GPRC5B: variants seen among roughly 807,000 people sequenced by gnomAD.
GPRC5B encodes the protein G protein-coupled receptor class C group 5 member B.
A neutral mutation model predicts 30.1 loss-of-function variants in GPRC5B; 16 were observed. The observed-to-expected ratio is 0.53, with a 90% CI of 0.36 to 0.81. GPRC5B has a LOEUF of 0.81. GPRC5B is among the 30% of genes least tolerant of loss of function. The pLI, the probability that GPRC5B is intolerant of heterozygous loss-of-function variation, is 0.01. For missense variants in GPRC5B, 428 were observed against 544.7 expected, an observed-to-expected ratio of 0.79 and a Z score of 2.13; for synonymous variants, 241 against 239.5, an observed-to-expected ratio of 1.01 and a Z score of -0.06.
chr16:19,860,505 A>G lies in GPRC5B; in HGVS notation c.1207T>C (p.Trp403Arg). 6.3e-7 allele frequency: 1 copy of G among 1,589,642 alleles called. No individual in the cohort carries two copies. Among genetic ancestry groups the G allele is most frequent in the Non-Finnish European group, 8.6e-7 (1 of 1,157,820 alleles). Residue 403 changes from tryptophan (W) to arginine (R), a missense_variant, in exon 4 of 4, where the codon TGG becomes CGG. Physicochemically the swap from Trp to Arg is moderately radical, Grantham distance 101. This residue lies in a region of GPRC5B where 19 missense variants were observed against 43.1 expected (regional missense o/e 0.44). Coordinates refer to ENST00000300571, the MANE Select transcript of GPRC5B (RefSeq NM_016235.3). Reference protein sequence around the residue: ...APPSHTGRHLW With the variant: ...APPSHTGRHLR ...TCTCTGGAACTTAAAGTCTTTCACC[A>G]AAGGTGTCTTCCTGTGTGACTTGGC... is the stretch of plus-strand genomic sequence containing the variant.
Position 19,858,319 on chromosome 16 carries a change from A to T in GPRC5B, c.*2181T>A. On this transcript the variant is annotated 3_prime_UTR_variant, in exon 4 of 4. Transcript: ENST00000300571. ...CTAAGTGCGATAACATATCAGATTT[A>T]AAAGGGGGGAAAAAGGTCTCATTAA... 1 of 443,502 alleles carries T rather than the reference A, an allele frequency of 2.3e-6. No homozygotes were observed. Among genetic ancestry groups the T allele is most frequent in the South Asian group, 6.3e-5 (1 of 15,950 alleles). 27.5% of individuals were successfully genotyped at this position (443,502 alleles called of 1,614,324 possible). A position where few individuals can be genotyped will look rare whatever the true frequency, so the allele number is the denominator to read the frequency against.
intron 2 of GPRC5B, chr16:19,862,265 G>A (rs2056631717): frequency 5.4e-6 from 2 of 367,826 alleles, no homozygotes; most frequent in Non-Finnish European, 1.0e-5. Flanking sequence ...GCCTCTGCAG[G>A]CCGCGGGTGA....
chr16:19,871,145 A>G (rs2056714081), intron 2 of GPRC5B, among the ~76,000 whole-genome samples: 1 of 151,686 alleles, frequency 6.6e-6, no homozygotes, highest in Non-Finnish European at 1.5e-5. Context: ...GTAGCTGGAC[A>G]TGGTGGCGTA....
intron 2 of GPRC5B, among the ~76,000 whole-genome samples, chr16:19,863,575 G>A (rs2056644174): frequency 1.4e-5 from 2 of 144,408 alleles, no homozygotes; most frequent in South Asian, 4.4e-4. Context: ...TCGGCTCACT[G>A]CAACCTCCAC....
intron 1 of GPRC5B, among the ~76,000 whole-genome samples, chr16:19,882,961 T>G (rs980839728): frequency 6.6e-6 from 1 of 152,198 alleles, no homozygotes; most frequent in African/African-American, 2.4e-5. Flanking sequence ...CTCTTCTAGC[T>G]GGGCTCCACT....
rs980970899 is a variant in GPRC5B, at chr16:19,860,176, C to T, written c.*324G>A. ...TGTGAATTTGGTTCTGTTCTACCCC[C>T]AGAGGATGAAACAGTCTTCCCAGCC... On this transcript the variant is annotated 3_prime_UTR_variant, in exon 4 of 4. Transcript: ENST00000300571. 2 of 276,982 alleles carry T rather than the reference C, an allele frequency of 7.2e-6. No individual in the cohort carries two copies. The highest frequency in any genetic ancestry group is 1.4e-5 in the Non-Finnish European group (2 of 145,074). The allele number at this position is 276,982 out of a possible 1,614,324, so 17.2% of individuals were successfully genotyped here. A position where few individuals can be genotyped will look rare whatever the true frequency, so the allele number is the denominator to read the frequency against.
At position 19,858,276 on chromosome 16, in the gene GPRC5B, C is replaced by T. The variant is rs1431380321; in HGVS notation, c.*2224G>A. On this transcript the variant is annotated 3_prime_UTR_variant, in exon 4 of 4. Transcript: ENST00000300571. The stretch of plus-strand genomic sequence containing the variant: ...TTCAGCCCACTCTCAACCTTAAAAG[C>T]CAAAATAAAACAAAACCCTAAGTGC... 7.4e-6 allele frequency: 3 copies of T among 406,882 alleles called. No homozygotes were observed. The highest frequency in any genetic ancestry group is 1.3e-5 in the Non-Finnish European group (3 of 230,826). 25.2% of individuals were successfully genotyped at this position (406,882 alleles called of 1,614,324 possible). A position where few individuals can be genotyped will look rare whatever the true frequency, so the allele number is the denominator to read the frequency against.
chr16:19,870,600 T>G (rs921292520), intron 2 of GPRC5B, among the ~76,000 whole-genome samples: 1 of 152,202 alleles, frequency 6.6e-6, no homozygotes, highest in East Asian at 1.9e-4. Context: ...AATTAGTACA[T>G]TCCCGGTAAC....
In GPRC5B at chr16:19,871,985, G is replaced by A. The variant is rs141638865; in HGVS notation, c.861C>T (p.His287=). ...GGGTGCAGTGGATCTCAGGGATGGC[G>A]TGGAAGATGACGAAGACCCAGCCGC... is the stretch of plus-strand genomic sequence containing the variant. ...AASGWVFVIF[H]AIPEIHCTLL... Residue 287 remains histidine, a synonymous_variant, in exon 2 of 4, where the codon CAC becomes CAT. Transcript: ENST00000300571. 44 of 1,613,972 alleles carry A rather than the reference G, an allele frequency of 2.7e-5. No individual in the cohort carries two copies. The highest frequency in any genetic ancestry group is 1.9e-4 in the African/African-American group (14 of 74,918).
Position 19,858,442 on chromosome 16 carries a change from G to C in GPRC5B, c.*2058C>G. On this transcript the variant is annotated 3_prime_UTR_variant, in exon 4 of 4. Coordinates refer to ENST00000300571, the MANE Select transcript of GPRC5B (RefSeq NM_016235.3). ...TGTGCTGTGCTCACCTTATATGCTT[G>C]GACAATAAAGAACTTAGAAAACGAA... 1 of 658,170 alleles carries C rather than the reference G, an allele frequency of 1.5e-6. No homozygotes were observed. The highest frequency in any genetic ancestry group is 2.8e-6 in the Non-Finnish European group (1 of 362,094). The allele number at this position is 658,170 out of a possible 1,614,324, so 40.8% of individuals were successfully genotyped here.
In GPRC5B at chr16:19,884,804, C is replaced by T; in HGVS notation, c.-79G>A. ...CACATCTCTGCGGCGCGGCCGCGGC[C>T]CCCGCTCCACGCACGCCCGCCTGCG... On this transcript the variant is annotated 5_prime_UTR_variant, in exon 1 of 4. Coordinates refer to ENST00000300571, the MANE Select transcript of GPRC5B (RefSeq NM_016235.3). The T allele has an allele frequency of 1.2e-5, 12 of 984,440 alleles. No individual in the cohort carries two copies. The highest frequency in any genetic ancestry group is 1.4e-5 in the Non-Finnish European group (12 of 829,520). The allele number at this position is 984,440 out of a possible 1,614,324, so 61.0% of individuals were successfully genotyped here.
chr16:19,861,823 A>T lies in GPRC5B; in HGVS notation c.1167+14T>A. On this transcript the variant is annotated intron_variant, in intron 3 of 3. Transcript: ENST00000300571. The stretch of plus-strand genomic sequence containing the variant: ...CCTAGGCTTCCTACCCCCACATCAC[A>T]TCTTGATACTTACGGTCCCACCGTT... The T allele has an allele frequency of 6.2e-7, 1 of 1,611,264 alleles. No individual in the cohort carries two copies. The highest frequency in any genetic ancestry group is 8.5e-7 in the Non-Finnish European group (1 of 1,178,410).
rs539290457 is a variant in GPRC5B at position 19,857,290 on chromosome 16, C to A, written c.*3210G>T. The A allele has an allele frequency of 2.6e-5, 9 of 346,516 alleles. No individual in the cohort carries two copies. Among genetic ancestry groups the A allele is most frequent in the Non-Finnish European group, 4.3e-5 (8 of 184,804 alleles). 21.5% of individuals were successfully genotyped at this position (346,516 alleles called of 1,614,324 possible). On this transcript the variant is annotated 3_prime_UTR_variant, in exon 4 of 4. Coordinates refer to ENST00000300571, the MANE Select transcript of GPRC5B (RefSeq NM_016235.3). Reference sequence around the variant, plus strand: ...TGGGTTGTTTTGACAAGCTACCACACGTCTTAAGTAAATAGTAAAGCCTTT... The same window carrying A: ...TGGGTTGTTTTGACAAGCTACCACAAGTCTTAAGTAAATAGTAAAGCCTTT...
rs550191658 is a variant in GPRC5B at position 19,865,788 on chromosome 16, T to C, written c.1031-3815A>G. Among the ~76,000 whole-genome samples the C allele has an allele frequency of 4.6e-5, 7 of 152,332 alleles. No homozygotes were observed. In the South Asian group the frequency reaches 1.2e-3, roughly 27 times the overall value. ...TAGCTCTGCAGTTACCTCTGTAACATTGATTTAAAGCAAGCACGCTGAAGA... is the reference window on the plus strand; with the variant it reads ...TAGCTCTGCAGTTACCTCTGTAACACTGATTTAAAGCAAGCACGCTGAAGA... On this transcript the variant is annotated intron_variant, in intron 2 of 3. Transcript: ENST00000300571.
chr16:19,882,521 G>A (rs1439577639), intron 1 of GPRC5B, among the ~76,000 whole-genome samples: 1 of 152,184 alleles, frequency 6.6e-6, no homozygotes, highest in Non-Finnish European at 1.5e-5. Context: ...TAAAACCTGA[G>A]CTGCTCCTCC....
In GPRC5B at chr16:19,861,913, C is replaced by T. The variant is rs1389683330; in HGVS notation, c.1091G>A (p.Gly364Glu). Residue 364 changes from glycine to glutamate, a missense_variant, in exon 3 of 4, where the codon GGG becomes GAG. Physicochemically the swap from Gly to Glu is moderately conservative, Grantham distance 98. Transcript: ENST00000300571. ...SLGKRPSGSL[G>E]KRPSAPFRSN... Reference sequence around the variant, plus strand: ...TCTAAACGGAGCGCTGGGTCTTTTCCCCAAGCTGCCACTGGGTCTTTTTCC... The same window carrying T: ...TCTAAACGGAGCGCTGGGTCTTTTCTCCAAGCTGCCACTGGGTCTTTTTCC... 2 of 1,613,470 alleles carry T rather than the reference C, an allele frequency of 1.2e-6. No individual in the cohort carries two copies. The highest frequency in any genetic ancestry group is 2.7e-5 in the African/African-American group (2 of 74,914).
chr16:19,882,500 G>A (rs1466089103), intron 1 of GPRC5B: 1 of 152,196 alleles, frequency 6.6e-6, no homozygotes, highest in Non-Finnish European at 1.5e-5. Context: ...ATGAAAGCAG[G>A]GAGTGGATTT....
chr16:19,881,789 A>G (rs533782428), intron 1 of GPRC5B, among the ~76,000 whole-genome samples: 2 of 152,350 alleles, frequency 1.3e-5, no homozygotes, highest in African/African-American at 4.8e-5. Context: ...CAAAAAAGAA[A>G]GACAATCATG....
At chr16:19,869,216 C>A (rs2056692284) in intron 2 of GPRC5B, among the ~76,000 whole-genome samples, 1 of 151,476 alleles carries the variant, frequency 6.6e-6, no homozygotes, top group Admixed American at 6.6e-5. Context: ...GTAATCCCAG[C>A]TACTCGGGAG....
Sources: allele counts gnomAD v4.1 joint callset (sites outside exome capture counted in the v4.1 genomes callset), GRCh38; gene constraint gnomAD v4.1.1; regional missense constraint gnomAD v4.1.1; transcripts MANE v1.5; gene names NCBI Gene and HGNC (gene_info 2026-07-23, HGNC 2026-07-21).